GRAMD1B: variants seen among roughly 807,000 people sequenced by gnomAD.
GRAMD1B encodes protein Aster-B.
A neutral mutation model predicts 99.7 loss-of-function variants in GRAMD1B; 37 were observed. That is an observed-to-expected ratio of 0.37 (90% CI 0.29 to 0.49). The LOEUF is 0.49. Ranked by LOEUF, GRAMD1B falls within the 20% of genes least tolerant of loss-of-function variation. The pLI is 0.98. For synonymous variants in GRAMD1B, 427 were observed against 387.6 expected (o/e 1.10, Z -1.19); for missense variants, 888 against 1,009.2 (o/e 0.88, Z 1.63).
chr11:123,546,410 T>C (rs2135778371), intron 2 of GRAMD1B, among the ~76,000 whole-genome samples: 1 of 152,378 alleles, frequency 6.6e-6, no homozygotes, highest in African/African-American at 2.4e-5. Flanking sequence ...AGACTACATG[T>C]CTAGTATTCA....
chr11:123,620,693 G>A (rs1243270936), intron 19 of GRAMD1B, among the ~76,000 whole-genome samples: 2 of 152,168 alleles, frequency 1.3e-5, no homozygotes, highest in African/African-American at 2.4e-5. Context: ...AGGGTGAGGA[G>A]AACAGGGTGG....
chr11:123,499,060 G>T (rs1004100791), intron 2 of GRAMD1B, among the ~76,000 whole-genome samples: 7 of 152,150 alleles, frequency 4.6e-5, no homozygotes, highest in South Asian at 2.1e-4. Context: ...CTTTTGATAC[G>T]TAGCTTGGTG....
In GRAMD1B at chr11:123,600,488, G is replaced by C; in HGVS notation, c.990G>C (p.Gly330=). 6.2e-7 allele frequency: 1 copy of C among 1,610,496 alleles called. No individual in the cohort carries two copies. Among genetic ancestry groups the C allele is most frequent in the Non-Finnish European group, 8.5e-7 (1 of 1,177,292 alleles). ...TCTAGCACTTCTTCACTTCGTTTGG[G>C]GCCCGGGATAGGACATATATGATGA... The part of the protein sequence containing the change: ...DSEKHFFTSF[G]ARDRTYMMMF... The change falls in exon 8 of 20, where the codon GGG becomes GGC. Residue 330 remains glycine, a synonymous_variant. Transcript: ENST00000635736.
At chr11:123,551,754 A>T (rs1945639214) in intron 2 of GRAMD1B, among the ~76,000 whole-genome samples, 1 of 152,124 alleles carries the variant, frequency 6.6e-6, no homozygotes, top group Non-Finnish European at 1.5e-5. Flanking sequence ...TAGTTTCTTC[A>T]TTCATGGCCT....
In GRAMD1B at chr11:123,618,735, A is replaced by G; in HGVS notation, c.2361A>G (p.Lys787=). The change falls in exon 18 of 20, where the codon AAA becomes AAG. Residue 787 remains lysine (K), a synonymous_variant. Coordinates refer to ENST00000635736, the MANE Select transcript of GRAMD1B (RefSeq NM_001387025.1). The part of the protein sequence containing the change: ...LVILNMMLFY[K]LWMLEYTTQT... ...TCCTTAACATGATGCTCTTCTACAAACTCTGGATGTTGGAATACACCACGC... is the reference window on the plus strand; with the variant it reads ...TCCTTAACATGATGCTCTTCTACAAGCTCTGGATGTTGGAATACACCACGC... 1.3e-6 allele frequency: 2 copies of G among 1,589,964 alleles called. No homozygotes were observed. The highest frequency in any genetic ancestry group is 8.6e-7 in the Non-Finnish European group (1 of 1,167,514).
At chr11:123,445,265 C>T (rs1166494132) in intron 1 of GRAMD1B, among the ~76,000 whole-genome samples, 1 of 152,172 alleles carries the variant, frequency 6.6e-6, no homozygotes, top group Non-Finnish European at 1.5e-5. Flanking sequence ...TCAGTGAGTG[C>T]CAGGCTGACC....
intron 15 of GRAMD1B, 35 bp downstream of exon 15, chr11:123,612,899 C>T (rs1167057601): frequency 8.0e-7 from 1 of 1,245,884 alleles, no homozygotes; most frequent in South Asian, 1.2e-5. Context: ...AGCTGGGCTG[C>T]AGAGATGGTA....
At chr11:123,512,307 T>A (rs1941106898) in intron 2 of GRAMD1B, among the ~76,000 whole-genome samples, 1 of 152,176 alleles carries the variant, frequency 6.6e-6, no homozygotes, top group Admixed American at 6.5e-5. Flanking sequence ...TGTAGGTGGT[T>A]TGTTATCAAC....
intron 8 of GRAMD1B, 142 bp downstream of exon 8, chr11:123,600,690 C>T: frequency 1.7e-6 from 1 of 572,550 alleles, no homozygotes; most frequent in Non-Finnish European, 3.1e-6. Flanking sequence ...AGCATATAAT[C>T]TCCCACGAAT....
At chr11:123,483,765 A>G (rs1168390083) in intron 2 of GRAMD1B, among the ~76,000 whole-genome samples, 1 of 152,098 alleles carries the variant, frequency 6.6e-6, no homozygotes, top group Admixed American at 6.6e-5. Flanking sequence ...CCTTCATAGG[A>G]GTGTTCAAGC....
chr11:123,489,743 T>C (rs112767231), intron 2 of GRAMD1B, among the ~76,000 whole-genome samples: 45 of 152,236 alleles, frequency 3.0e-4, no homozygotes, highest in African/African-American at 1.0e-3. Context: ...GCAGGGATGA[T>C]TGGGGAAAAT....
intron 1 of GRAMD1B, among the ~76,000 whole-genome samples, chr11:123,467,462 C>T (rs1404701683): frequency 1.5e-5 from 2 of 130,464 alleles, no homozygotes; most frequent in African/African-American, 2.9e-5. Flanking sequence ...ATATTCTTTC[C>T]TGCCCACCTT....
chr11:123,464,571 C>T (rs1480201363), intron 1 of GRAMD1B, among the ~76,000 whole-genome samples: 2 of 152,166 alleles, frequency 1.3e-5, no homozygotes, highest in Non-Finnish European at 2.9e-5. Flanking sequence ...CAGTAGTTTT[C>T]AAACCTGAGA....
rs1953936459 is a variant in GRAMD1B at position 123,613,739 on chromosome 11, C to T, written c.2227+81C>T. ...GCCCACACCAAGGCACACACATGCA[C>T]ACTCATTTTGCACCTTGGCTATAAT... On this transcript the variant is annotated intron_variant, in intron 16 of 19. Coordinates refer to ENST00000635736, the MANE Select transcript of GRAMD1B (RefSeq NM_001387025.1). 4.0e-5 allele frequency: 39 copies of T among 969,042 alleles called. 1 individual carries two copies. The South Asian group carries it at 5.9e-4, about 15-fold the overall frequency. 60.0% of individuals were successfully genotyped at this position (969,042 alleles called of 1,614,324 possible). A position where few individuals can be genotyped will look rare whatever the true frequency, so the allele number is the denominator to read the frequency against.
intron 2 of GRAMD1B, among the ~76,000 whole-genome samples, chr11:123,491,158 C>G (rs914878058): frequency 1.8e-4 from 28 of 152,118 alleles, no homozygotes; most frequent in Non-Finnish European, 3.4e-4. Context: ...AATGATGAAA[C>G]CCTGTCTCTA....
chr11:123,392,225 G>A (rs978917078), intron 1 of GRAMD1B, among the ~76,000 whole-genome samples: 6 of 151,998 alleles, frequency 3.9e-5, no homozygotes, highest in African/African-American at 1.4e-4. Flanking sequence ...AATGAAAGCA[G>A]GGACAAGTCT....
chr11:123,408,719 G>C (rs1947938716), intron 1 of GRAMD1B, among the ~76,000 whole-genome samples: 1 of 152,254 alleles, frequency 6.6e-6, no homozygotes, highest in Admixed American at 6.5e-5. Context: ...TCAGACATAA[G>C]TGGAATTCAC....
intron 2 of GRAMD1B, among the ~76,000 whole-genome samples, chr11:123,486,532 AGT>A (rs1281181813): frequency 2.7e-5 from 4 of 147,740 alleles, no homozygotes; most frequent in Non-Finnish European, 4.5e-5. Flanking sequence ...TGGGTGACAG[AGT>A]GAGACCCTGT....
intron 7 of GRAMD1B, among the ~76,000 whole-genome samples, chr11:123,596,677 A>G (rs138350052): frequency 3.4e-4 from 52 of 152,330 alleles, no homozygotes; most frequent in Admixed American, 1.1e-3. Flanking sequence ...TTGGGGTCAG[A>G]TAGTGTTTGG....
Sources: gnomAD v4.1 joint callset for allele counts (sites outside exome capture counted in the v4.1 genomes callset) on GRCh38, gnomAD v4.1.1 for gene constraint, MANE v1.5 for transcripts, NCBI Gene and HGNC (gene_info 2026-07-23, HGNC 2026-07-21) for gene names.